Variants in TRPC3 observed in about 807,000 individuals in gnomAD.
TRPC3 encodes the protein transient receptor potential cation channel subfamily C member 3.
A neutral mutation model predicts 90.9 loss-of-function variants in TRPC3; 54 were observed. That is an observed-to-expected ratio of 0.59 (90% CI 0.48 to 0.75). The LOEUF (loss-of-function observed/expected upper bound fraction) is 0.75, where lower values mean the gene tolerates loss of function less well. Among genes scored for constraint, TRPC3 ranks in the 30% least tolerant of loss-of-function variants. TRPC3 has a pLI of 0.00. For missense variants in TRPC3, 918 were observed against 1,194.5 expected (o/e 0.77, Z 3.41); for synonymous variants, 424 against 450.9 (o/e 0.94, Z 0.75).
intron 10 of TRPC3, among the ~76,000 whole-genome samples, chr4:121,889,988 C>A (rs1728266021): frequency 6.6e-6 from 1 of 152,110 alleles, no homozygotes; most frequent in Non-Finnish European, 1.5e-5. Context: ...TTCTATTCAG[C>A]CACAATGACT....
chr4:121,951,245 G>C lies in TRPC3; in HGVS notation c.215+221C>G, dbSNP rs1378226901. Among the ~76,000 whole-genome samples, 1 of 152,132 alleles carries C rather than the reference G, an allele frequency of 6.6e-6. No individual in the cohort carries two copies. Among genetic ancestry groups the C allele is most frequent in the Non-Finnish European group, 1.5e-5 (1 of 68,002 alleles). On this transcript the variant is annotated intron_variant, in intron 1 of 11. Coordinates refer to ENST00000379645, the MANE Select transcript of TRPC3 (RefSeq NM_001130698.2). The surrounding 1 kb of genome is among the most constrained non-coding windows in gnomAD (Gnocchi z 4.4). ...TGAGCCTGGACAGAGCCCCTGCCAC[G>C]CACTCGGCAGCCCCTGTGTCCCTCC...
At position 121,910,452 on chromosome 4, in the gene TRPC3, T is replaced by C. The variant is rs867285684; in HGVS notation, c.1559-65A>G. The C allele has an allele frequency of 2.0e-5, 26 of 1,314,044 alleles. No individual in the cohort carries two copies. The Middle Eastern group carries it at 3.3e-3, about 166-fold the overall frequency. The allele number at this position is 1,314,044 out of a possible 1,614,324, so 81.4% of individuals were successfully genotyped here. A position where few individuals can be genotyped will look rare whatever the true frequency, so the allele number is the denominator to read the frequency against. On this transcript the variant is annotated intron_variant, in intron 5 of 11. Transcript: ENST00000379645. ...AGGCCAGACTGAGAAGCCATTATTG[T>C]GTCCACCATCAGGTCACATCTCTAC... is the stretch of plus-strand genomic sequence containing the variant.
chr4:121,891,810 C>T (rs1218280096), intron 10 of TRPC3, among the ~76,000 whole-genome samples: 1 of 152,194 alleles, frequency 6.6e-6, no homozygotes, highest in Admixed American at 6.5e-5. Context: ...AACCCAAACA[C>T]TTTTTCCTTT....
rs140204067 is a variant in TRPC3 at position 121,907,183 on chromosome 4, T to C, written c.2057+120A>G. 9.3e-6 allele frequency: 9 copies of C among 963,196 alleles called. No homozygotes were observed. In the African/African-American group the frequency reaches 1.5e-4, roughly 16 times the overall value. The allele number at this position is 963,196 out of a possible 1,614,324, so 59.7% of individuals were successfully genotyped here. On this transcript the variant is annotated intron_variant, in intron 7 of 11. Transcript: ENST00000379645. ...CAACACAAGCACTAACTGTTTTTGA[T>C]GGATTATTTTCTGTGCTTAAAAACA...
At chr4:121,909,121 AC>A (rs1728992874) in intron 6 of TRPC3, among the ~76,000 whole-genome samples, 2 of 152,170 alleles carry the variant, frequency 1.3e-5, no homozygotes, top group African/African-American at 4.8e-5. Flanking sequence ...TACCTAAAAT[AC>A]AATCTAAAAT....
At chr4:121,920,787 T>C (rs1729474236) in intron 3 of TRPC3, among the ~76,000 whole-genome samples, 1 of 152,238 alleles carries the variant, frequency 6.6e-6, no homozygotes, top group South Asian at 2.1e-4. Context: ...TTTGCTGATT[T>C]TTCTACAGGG....
chr4:121,918,531 G>A (rs1425285906), intron 3 of TRPC3, among the ~76,000 whole-genome samples: 3 of 152,200 alleles, frequency 2.0e-5, no homozygotes, highest in African/African-American at 7.2e-5. Context: ...TGGCATATAT[G>A]TGATGGTCAA....
chr4:121,895,661 C>T (rs1728492813), intron 10 of TRPC3, among the ~76,000 whole-genome samples: 1 of 151,782 alleles, frequency 6.6e-6, no homozygotes, highest in Non-Finnish European at 1.5e-5. Context: ...TCTAAACAGA[C>T]CAAAAACAGG....
chr4:121,914,316 T>C (rs1578628616), intron 4 of TRPC3, among the ~76,000 whole-genome samples: 1 of 152,278 alleles, frequency 6.6e-6, no homozygotes. Context: ...TGTTCTCAAC[T>C]GTGCTTCGCA....
In TRPC3 at chr4:121,875,822, A is replaced by G. The variant is rs1727745549; in HGVS notation, c.*3914T>C. Among the ~76,000 whole-genome samples, 1 of 151,286 alleles carries G rather than the reference A, an allele frequency of 6.6e-6. No individual in the cohort carries two copies. The highest frequency in any genetic ancestry group is 2.4e-5 in the African/African-American group (1 of 41,176). On this transcript the variant is annotated 3_prime_UTR_variant, in exon 12 of 12. Coordinates refer to ENST00000379645, the MANE Select transcript of TRPC3 (RefSeq NM_001130698.2). Reference sequence around the variant, plus strand: ...TAAAAACATTAGTTTCCCCTAACACATGGTATAAATTTAGAAATTCTCAAA... The same window carrying G: ...TAAAAACATTAGTTTCCCCTAACACGTGGTATAAATTTAGAAATTCTCAAA...
At chr4:121,890,194 G>A (rs1426163193) in intron 10 of TRPC3, among the ~76,000 whole-genome samples, 1 of 152,076 alleles carries the variant, frequency 6.6e-6, no homozygotes, top group African/African-American at 2.4e-5. Context: ...GGGAGAAGTT[G>A]GTCACCAGGT....
chr4:121,949,844 T>C (rs774514168), intron 1 of TRPC3, among the ~76,000 whole-genome samples: 3 of 152,200 alleles, frequency 2.0e-5, no homozygotes, highest in Non-Finnish European at 2.9e-5. Flanking sequence ...CCTAGGGTTT[T>C]GTGTAATTGA....
chr4:121,901,226 A>G (rs1210022753), intron 9 of TRPC3, among the ~76,000 whole-genome samples: 1 of 152,206 alleles, frequency 6.6e-6, no homozygotes, highest in Non-Finnish European at 1.5e-5. Flanking sequence ...AAATCCCCAG[A>G]AAAACAAAAG....
intron 6 of TRPC3, among the ~76,000 whole-genome samples, chr4:121,909,857 G>A (rs2149124250): frequency 6.6e-6 from 1 of 152,138 alleles, no homozygotes; most frequent in East Asian, 1.9e-4. Context: ...TCTCCCAATA[G>A]TAATTATCTT....
At chr4:121,940,316 A>G (rs1730264330) in intron 1 of TRPC3, among the ~76,000 whole-genome samples, 1 of 152,234 alleles carries the variant, frequency 6.6e-6, no homozygotes, top group Non-Finnish European at 1.5e-5. Context: ...TCTGTGTAGT[A>G]AGCAAAAACA....
chr4:121,903,136 TA>T, intron 8 of TRPC3, 75 bp from the exon 9 acceptor site: 1 of 1,351,624 alleles, frequency 7.4e-7, no homozygotes, highest in East Asian at 2.5e-5. Flanking sequence ...ATAGGTTTTT[TA>T]CAATGAATCT....
intron 11 of TRPC3, among the ~76,000 whole-genome samples, chr4:121,880,368 A>G (rs956989020): frequency 6.6e-6 from 1 of 152,212 alleles, no homozygotes; most frequent in African/African-American, 2.4e-5. Context: ...GGAAAGAAAG[A>G]AAAAAGAGTA....
chr4:121,935,420 GT>G (rs1223930299), intron 1 of TRPC3, among the ~76,000 whole-genome samples: 101 of 30,844 alleles, frequency 3.3e-3, no homozygotes, highest in Middle Eastern at 0.024. Flanking sequence ...CATGTGTGGG[GT>G]GTGTGTGTGT....
At chr4:121,880,122 CT>C (rs879406429) in intron 11 of TRPC3, among the ~76,000 whole-genome samples, 1 of 151,952 alleles carries the variant, frequency 6.6e-6, no homozygotes, top group Non-Finnish European at 1.5e-5. Flanking sequence ...AAGTATTGTC[CT>C]TTTGTTGACC....
Sources: gnomAD v4.1 joint callset for allele counts (sites outside exome capture counted in the v4.1 genomes callset) on GRCh38, gnomAD v4.1.1 for gene constraint, Gnocchi (gnomAD v3.1) non-coding constraint, MANE v1.5 for transcripts, NCBI Gene and HGNC (gene_info 2026-07-23, HGNC 2026-07-21) for gene names.